MTCL2: variants seen among roughly 807,000 people sequenced by gnomAD.
MTCL2 encodes microtubule cross-linking factor 2.
At chr20:36,841,874 G>GGGGTGTGTGT in the MTCL2 span, among the ~76,000 whole-genome samples, 343 of 110,852 alleles carry the variant, frequency 3.1e-3, 1 homozygote, top group African/African-American at 8.8e-3. Flanking sequence ...TGGGGGGTGG[G>GGGGTGTGTGT]GTGTGTGTGT....
At chr20:36,825,814 C>G in the MTCL2 span, among the ~76,000 whole-genome samples, 1 of 152,164 alleles carries the variant, frequency 6.6e-6, no homozygotes, top group Non-Finnish European at 1.5e-5. Context: ...ACACAGGCTC[C>G]CGCCTCCTGT....
chr20:36,796,798 G>C, the MTCL2 span: 1 of 1,350,448 alleles, frequency 7.4e-7, no homozygotes. Context: ...AGGTAGAGTG[G>C]GTGCAGGGCG....
At chr20:36,813,752 CAAAAAAAAAA>C in the MTCL2 span, among the ~76,000 whole-genome samples, 3 of 65,846 alleles carry the variant, frequency 4.6e-5, no homozygotes, top group Non-Finnish European at 7.6e-5. Flanking sequence ...GACTCTGTCT[CAAAAAAAAAA>C]AAAAAAAAAA....
the MTCL2 span, among the ~76,000 whole-genome samples, chr20:36,835,533 C>T: frequency 6.6e-6 from 1 of 152,160 alleles, no homozygotes; most frequent in Non-Finnish European, 1.5e-5. Context: ...GAGGTACCCT[C>T]CTAGGCAGCG....
At chr20:36,814,318 A>ACTTATATTTTTAACG in the MTCL2 span, among the ~76,000 whole-genome samples, 13 of 152,372 alleles carry the variant, frequency 8.5e-5, no homozygotes, top group African/African-American at 3.1e-4. Context: ...TTGTGTAGTA[A>ACTTATATTTTTAACG]CAATAGATAT....
chr20:36,802,994 A>G, the MTCL2 span: 2 of 1,595,788 alleles, frequency 1.3e-6, no homozygotes, highest in Non-Finnish European at 1.7e-6. Flanking sequence ...GCTCCATGAC[A>G]GCGCTGTAGG....
At chr20:36,841,876 T>TGTGTGG in the MTCL2 span, among the ~76,000 whole-genome samples, 19,557 of 63,228 alleles carry the variant, frequency 0.31, 1,782 homozygotes, top group East Asian at 0.47. Context: ...GGGGGTGGGG[T>TGTGTGG]GTGTGTGTGT....
chr20:36,821,287 C>T, the MTCL2 span, among the ~76,000 whole-genome samples: 115 of 152,170 alleles, frequency 7.6e-4, no homozygotes, highest in African/African-American at 2.5e-3. Flanking sequence ...TTTGGGAGGC[C>T]GAGGTGGGTG....
At chr20:36,853,702 GGTGTGTGT>G in the MTCL2 span, among the ~76,000 whole-genome samples, 875 of 143,768 alleles carry the variant, frequency 6.1e-3, 4 homozygotes, top group Middle Eastern at 0.011. Flanking sequence ...ATCAGGGAGG[GGTGTGTGT>G]GTGTGTGTGT....
chr20:36,809,965 C>A, the MTCL2 span: 4 of 1,593,258 alleles, frequency 2.5e-6, no homozygotes, highest in South Asian at 4.6e-5. Flanking sequence ...GCCTGGAAAG[C>A]GCTGGGCACC....
chr20:36,841,153 T>TAAAA, the MTCL2 span, among the ~76,000 whole-genome samples: 1 of 2,186 alleles, frequency 4.6e-4, no homozygotes, highest in Non-Finnish European at 9.0e-4. Context: ...CTACTAAAAA[T>TAAAA]ACAAAAAAAA....
the MTCL2 span, among the ~76,000 whole-genome samples, chr20:36,824,201 G>C: frequency 2.0e-5 from 3 of 152,346 alleles, no homozygotes; most frequent in South Asian, 6.2e-4. Flanking sequence ...ATCTACACAA[G>C]AGAACTAACA....
the MTCL2 span, among the ~76,000 whole-genome samples, chr20:36,843,938 T>C: frequency 6.6e-5 from 10 of 152,248 alleles, 1 homozygote; most frequent in Non-Finnish European, 1.5e-4. Flanking sequence ...CTGATTTTCT[T>C]ATTTATAAAA....
chr20:36,833,691 A>G, the MTCL2 span, among the ~76,000 whole-genome samples: 3 of 152,116 alleles, frequency 2.0e-5, no homozygotes, highest in Non-Finnish European at 4.4e-5. Context: ...CTCTATAAAA[A>G]CTTTTTAAAA....
At chr20:36,832,744 G>A in the MTCL2 span, among the ~76,000 whole-genome samples, 1 of 152,208 alleles carries the variant, frequency 6.6e-6, no homozygotes, top group African/African-American at 2.4e-5. Context: ...TTGAGAAGCT[G>A]AGGCAGGAGA....
At chr20:36,836,793 C>T in the MTCL2 span, among the ~76,000 whole-genome samples, 1 of 152,148 alleles carries the variant, frequency 6.6e-6, no homozygotes, top group Non-Finnish European at 1.5e-5. Flanking sequence ...CCACCTCTGG[C>T]GGAGACACAA....
At chr20:36,858,086 C>CGCTAGTT in the MTCL2 span, among the ~76,000 whole-genome samples, 1 of 152,026 alleles carries the variant, frequency 6.6e-6, no homozygotes, top group African/African-American at 2.4e-5. Context: ...AGCCTAGACA[C>CGCTAGTT]GCTAGTTAAC....
the MTCL2 span, chr20:36,805,729 A>G: frequency 5.1e-5 from 41 of 797,138 alleles, no homozygotes; most frequent in Middle Eastern, 1.9e-3. Flanking sequence ...CCCTGGGATG[A>G]CCAGGCAATA....
At chr20:36,823,934 C>T in the MTCL2 span, among the ~76,000 whole-genome samples, 1 of 152,216 alleles carries the variant, frequency 6.6e-6, no homozygotes, top group East Asian at 1.9e-4. Context: ...TTTGAACTAT[C>T]AGCCCCTTCC....
Sources: allele counts gnomAD v4.1 joint callset (sites outside exome capture counted in the v4.1 genomes callset), GRCh38; gene constraint gnomAD v4.1.1; transcripts MANE v1.5; gene names NCBI Gene and HGNC (gene_info 2026-07-23, HGNC 2026-07-21).